XXYLT1: variants seen among roughly 807,000 people sequenced by gnomAD.
XXYLT1 encodes UDP-xylose:alpha-xyloside alpha-1,3-xylosyltransferase.
Under a neutral mutation model 28.9 loss-of-function variants are expected in XXYLT1, and 20 were observed. The ratio of observed to expected loss-of-function variants is 0.69; its 90% confidence interval spans 0.49 to 1.00. The LOEUF (loss-of-function observed/expected upper bound fraction) is 1.00, where lower values mean the gene tolerates loss of function less well. Among genes scored for constraint, XXYLT1 ranks in the 50% least tolerant of loss-of-function variants. The pLI, the probability that XXYLT1 is intolerant of heterozygous loss-of-function variation, is 0.00. For missense variants in XXYLT1, 542 were observed against 560.1 expected, an observed-to-expected ratio of 0.97 and a Z score of 0.33; for synonymous variants, 257 against 253.8, an observed-to-expected ratio of 1.01 and a Z score of -0.12.
At chr3:195,261,839 T>C (rs539158410) in intron 1 of XXYLT1, among the ~76,000 whole-genome samples, 276 of 152,302 alleles carry the variant, frequency 1.8e-3, no homozygotes, top group African/African-American at 6.4e-3. Context: ...CCCACTAGAA[T>C]AGCTGTAATT....
intron 3 of XXYLT1, among the ~76,000 whole-genome samples, chr3:195,109,499 A>ACG (rs1717344114): frequency 2.9e-5 from 2 of 68,436 alleles, no homozygotes. Context: ...AGGTATGTGT[A>ACG]CGTGTGTGGT....
intron 1 of XXYLT1, among the ~76,000 whole-genome samples, chr3:195,236,390 T>C (rs1387679237): frequency 1.3e-5 from 2 of 152,092 alleles, no homozygotes; most frequent in Non-Finnish European, 2.9e-5. Flanking sequence ...CACAGGCCCA[T>C]GGGGAGTGCT....
intron 3 of XXYLT1, among the ~76,000 whole-genome samples, chr3:195,139,414 T>G (rs1719367476): frequency 6.6e-6 from 1 of 152,162 alleles, no homozygotes; most frequent in Non-Finnish European, 1.5e-5. Context: ...AGGAAGGACA[T>G]AAGGCCTGCT....
intron 1 of XXYLT1, among the ~76,000 whole-genome samples, chr3:195,244,865 CA>C (rs546319368): frequency 4.0e-5 from 3 of 75,594 alleles, no homozygotes; most frequent in African/African-American, 1.5e-4. Context: ...AAAAAAAAAA[CA>C]AAAAAAAACC....
Position 195,180,602 on chromosome 3 carries a change from G to T in XXYLT1, c.653-24021C>A. ...CCCAGCCCTCTCCAGAGCGTGATGT[G>T]GCCCCGTCTGGCTAAGAGCACCAGA... On this transcript the variant is annotated intron_variant, in intron 2 of 3. Transcript: ENST00000310380. The surrounding 1 kb of genome is among the most constrained non-coding windows in gnomAD (Gnocchi z 5.8). 1.0e-6 allele frequency: 1 copy of T among 970,536 alleles called. No homozygotes were observed. Among genetic ancestry groups the T allele is most frequent in the Non-Finnish European group, 1.2e-6 (1 of 816,346 alleles). 60.1% of individuals were successfully genotyped at this position (970,536 alleles called of 1,614,324 possible).
In XXYLT1 at chr3:195,129,761, C is replaced by T. The variant is rs149896506; in HGVS notation, c.785+26688G>A. ...TTTCCACCGTTTGGCTATTATGACT[C>T]ATGCTGATACGAACGTCCATTTGCA... is the stretch of plus-strand genomic sequence containing the variant. On this transcript the variant is annotated intron_variant, in intron 3 of 3. Coordinates refer to ENST00000310380, the MANE Select transcript of XXYLT1 (RefSeq NM_152531.5). This position sits in a 1 kb window ranked among gnomAD's most constrained non-coding sequence, Gnocchi z 4.4. Among the ~76,000 whole-genome samples the T allele has an allele frequency of 5.5e-4, 84 of 152,176 alleles. 2 individuals carry two copies. Among genetic ancestry groups the T allele is most frequent in the South Asian group, 5.2e-3 (25 of 4,820 alleles).
rs371557684 is a variant in XXYLT1 at position 195,255,085 on chromosome 3, G to A, written c.504+15470C>T. Among the ~76,000 whole-genome samples, 9 of 152,198 alleles carry A rather than the reference G, an allele frequency of 5.9e-5. No homozygotes were observed. The highest frequency in any genetic ancestry group is 7.3e-5 in the Non-Finnish European group (5 of 68,050). ...AGGCTGGGAAATTCACCAGCACTGC[G>A]GACAGAGCAGGGGATAACAGCAGCA... On this transcript the variant is annotated intron_variant, in intron 1 of 3. Coordinates refer to ENST00000310380, the MANE Select transcript of XXYLT1 (RefSeq NM_152531.5). The surrounding 1 kb of genome is among the most constrained non-coding windows in gnomAD (Gnocchi z 4.5).
At chr3:195,085,509 G>GA (rs1305926886) in intron 3 of XXYLT1, among the ~76,000 whole-genome samples, 2 of 152,188 alleles carry the variant, frequency 1.3e-5, no homozygotes, top group Non-Finnish European at 2.9e-5. Context: ...TGGGAGGGGG[G>GA]AGTCCACCCA....
rs1458461524 is a variant in XXYLT1 at position 195,209,558 on chromosome 3, G to C, written c.652+17151C>G. 1 of 152,520 alleles carries C rather than the reference G, an allele frequency of 6.6e-6. No homozygotes were observed. Among genetic ancestry groups the C allele is most frequent in the Non-Finnish European group, 1.5e-5 (1 of 68,256 alleles). The allele number at this position is 152,520 out of a possible 1,614,324, so 9.4% of individuals were successfully genotyped here. A position where few individuals can be genotyped will look rare whatever the true frequency, so the allele number is the denominator to read the frequency against. ...GCCGCACACTTGGGCCCTCCTGACA[G>C]GCAGAGCCGGTGACAGGGCTCGGGC... On this transcript the variant is annotated intron_variant, in intron 2 of 3. Coordinates refer to ENST00000310380, the MANE Select transcript of XXYLT1 (RefSeq NM_152531.5). The surrounding 1 kb of genome is among the most constrained non-coding windows in gnomAD (Gnocchi z 5.0).
intron 2 of XXYLT1, among the ~76,000 whole-genome samples, chr3:195,186,860 C>T (rs1003282029): frequency 6.6e-6 from 1 of 151,176 alleles, no homozygotes; most frequent in Non-Finnish European, 1.5e-5. Flanking sequence ...AACCTCTCCA[C>T]GGACCTGGGC....
chr3:195,112,893 G>GTAGCCCC (rs1717854155), intron 3 of XXYLT1, among the ~76,000 whole-genome samples: 1 of 150,430 alleles, frequency 6.6e-6, no homozygotes, highest in Non-Finnish European at 1.5e-5. Context: ...GCACATACAC[G>GTAGCCCC]CAGCCCCCAG....
chr3:195,270,588 C>G lies in XXYLT1; in HGVS notation c.471G>C (p.Glu157Asp), dbSNP rs1725989350. 7.2e-7 allele frequency: 1 copy of G among 1,387,928 alleles called. No homozygotes were observed. 86.0% of individuals were successfully genotyped at this position (1,387,928 alleles called of 1,614,324 possible). The change falls in exon 1 of 4, where the codon GAG becomes GAC. Residue 157 changes from glutamate to aspartate, a missense_variant. Transcript: ENST00000310380. ...SREVAKGLLR[E>D]LLPPAAGFKC... is the part of the protein sequence containing the mutation. Reference sequence around the variant, plus strand: ...TGAAGCCAGCGGCGGGCGGCAGGAGCTCCCGCAGCAGGCCCTTGGCCACCT... The same window carrying G: ...TGAAGCCAGCGGCGGGCGGCAGGAGGTCCCGCAGCAGGCCCTTGGCCACCT...
At chr3:195,241,394 C>T (rs1041574129) in intron 1 of XXYLT1, among the ~76,000 whole-genome samples, 1 of 152,120 alleles carries the variant, frequency 6.6e-6, no homozygotes, top group Admixed American at 6.5e-5. Flanking sequence ...GGAAGTTTTC[C>T]TGGAGCAACA....
At chr3:195,110,983 C>T (rs936114486) in intron 3 of XXYLT1, among the ~76,000 whole-genome samples, 1 of 146,666 alleles carries the variant, frequency 6.8e-6, no homozygotes, top group African/African-American at 2.5e-5. Flanking sequence ...TCTAGGGCTG[C>T]CACGACAAAG....
At position 195,240,567 on chromosome 3, in the gene XXYLT1, A is replaced by G. The variant is rs1367064409; in HGVS notation, c.505-13711T>C. 6.6e-6 allele frequency among the ~76,000 whole-genome samples: 1 copy of G among 152,250 alleles called. No homozygotes were observed. Among genetic ancestry groups the G allele is most frequent in the Non-Finnish European group, 1.5e-5 (1 of 68,038 alleles). On this transcript the variant is annotated intron_variant, in intron 1 of 3. Transcript: ENST00000310380. This position sits in a 1 kb window ranked among gnomAD's most constrained non-coding sequence, Gnocchi z 4.7. The stretch of plus-strand genomic sequence containing the variant: ...AAGGGCTGGCCCCACGCACGGAAAG[A>G]TGCCAGGTTTCCCGGAAATCCCAAG...
Position 195,156,319 on chromosome 3 carries a change from T to A in XXYLT1, c.785+130A>T, listed in dbSNP as rs1720585758. 2.8e-6 allele frequency: 4 copies of A among 1,448,360 alleles called. No individual in the cohort carries two copies. In the South Asian group the frequency reaches 5.4e-5, roughly 20 times the overall value. 89.7% of individuals were successfully genotyped at this position (1,448,360 alleles called of 1,614,324 possible). On this transcript the variant is annotated intron_variant, in intron 3 of 3. Coordinates refer to ENST00000310380, the MANE Select transcript of XXYLT1 (RefSeq NM_152531.5). ...ATCAACTGTAAGCAATAAGTACCAA[T>A]GTGTTCCCAAGATACTAAGTGCAGA...
chr3:195,088,450 C>G lies in XXYLT1; in HGVS notation c.786-18339G>C, dbSNP rs1250813790. On this transcript the variant is annotated intron_variant, in intron 3 of 3. Coordinates refer to ENST00000310380, the MANE Select transcript of XXYLT1 (RefSeq NM_152531.5). ...TCACAGGGCCGGGTACTCCAACAGA[C>G]CTGCAGCTGAGGGTCCTGTCTGTTA... Among the ~76,000 whole-genome samples the G allele has an allele frequency of 1.4e-5, 2 of 144,488 alleles. 1 individual carries two copies. The highest frequency in any genetic ancestry group is 1.4e-4 in the Admixed American group (2 of 14,072). 94.8% of individuals were successfully genotyped at this position (144,488 alleles called of 152,430 possible).
intron 3 of XXYLT1, among the ~76,000 whole-genome samples, chr3:195,135,685 A>T (rs878946119): frequency 2.6e-5 from 4 of 152,224 alleles, no homozygotes; most frequent in Admixed American, 2.6e-4. Context: ...CTGAAGGGGC[A>T]GACACGGAAA....
intron 1 of XXYLT1, among the ~76,000 whole-genome samples, chr3:195,232,350 A>T (rs1724338874): frequency 6.6e-6 from 1 of 151,026 alleles, no homozygotes; most frequent in Non-Finnish European, 1.5e-5. Context: ...CATTTCATTG[A>T]TCTTTTGTAT....
Sources: allele counts gnomAD v4.1 joint callset (sites outside exome capture counted in the v4.1 genomes callset), GRCh38; gene constraint gnomAD v4.1.1; non-coding constraint Gnocchi (gnomAD v3.1); transcripts MANE v1.5; gene names NCBI Gene and HGNC (gene_info 2026-07-23, HGNC 2026-07-21).